ADAM23: variants seen among roughly 807,000 people sequenced by gnomAD.
The protein encoded by ADAM23 is ADAM metallopeptidase domain 23.
Under a neutral mutation model 120.1 loss-of-function variants are expected in ADAM23, and 33 were observed. That is an observed-to-expected ratio of 0.27 (90% CI 0.21 to 0.37). The LOEUF is 0.37. ADAM23 is among the 10% of genes least tolerant of loss of function. The pLI is 1.00. For synonymous variants in ADAM23, 367 were observed against 375.2 expected, an observed-to-expected ratio of 0.98 and a Z score of 0.25; for missense variants, 862 against 1,058.2, an observed-to-expected ratio of 0.81 and a Z score of 2.57.
chr2:206,531,814 A>G (rs1697069583), intron 4 of ADAM23, among the ~76,000 whole-genome samples: 1 of 152,232 alleles, frequency 6.6e-6, no homozygotes, highest in Non-Finnish European at 1.5e-5. Context: ...ATGTCAGCAT[A>G]AAAGTAGCAC....
chr2:206,530,935 C>T lies in ADAM23; in HGVS notation c.560C>T (p.Pro187Leu). Reference protein sequence around the residue: ...YVEIHYENGKPQYSKGGEHCY... With the variant: ...YVEIHYENGKLQYSKGGEHCY... Reference sequence around the variant, plus strand: ...GAGATTCACTACGAAAATGGGAAACCACAGTACTCTAAGGTACGGTTACCG... The same window carrying T: ...GAGATTCACTACGAAAATGGGAAACTACAGTACTCTAAGGTACGGTTACCG... The change falls in exon 4 of 26, where the codon CCA (proline) becomes CTA (leucine). Residue 187 changes from proline to leucine, a missense_variant. Physicochemically the swap from Pro to Leu is moderately conservative, Grantham distance 98. This residue lies in a region of ADAM23 where 617 missense variants were observed against 813.5 expected (regional missense o/e 0.76). Coordinates refer to ENST00000264377, the MANE Select transcript of ADAM23 (RefSeq NM_003812.4). 2 of 1,613,636 alleles carry T rather than the reference C, an allele frequency of 1.2e-6. No homozygotes were observed. The highest frequency in any genetic ancestry group is 1.7e-6 in the Non-Finnish European group (2 of 1,179,784).
At chr2:206,512,233 C>T (rs1038861556) in intron 3 of ADAM23, among the ~76,000 whole-genome samples, 2 of 152,152 alleles carry the variant, frequency 1.3e-5, no homozygotes, top group Non-Finnish European at 2.9e-5. Context: ...TCTAAACAAG[C>T]TGCTTAATAG....
intron 2 of ADAM23, among the ~76,000 whole-genome samples, chr2:206,457,147 T>G (rs574922101): frequency 1.3e-5 from 2 of 152,344 alleles, no homozygotes; most frequent in East Asian, 3.9e-4. Flanking sequence ...AGCTCAACTC[T>G]CCAATGCATT....
At position 206,562,279 on chromosome 2, in the gene ADAM23, C is replaced by T; in HGVS notation, c.1331C>T (p.Ser444Phe). ...AQNLGIQWEP[S>F]SRKPKCDCTE... ...AACCTTGGAATCCAATGGGAACCTT[C>T]TAGCAGAAAGCCAAGTATGTACACT... The change falls in exon 13 of 26, where the codon TCT becomes TTT. Residue 444 changes from serine (S) to phenylalanine (F), a missense_variant. By Grantham distance (155) the Ser-to-Phe change is radical. Coordinates refer to ENST00000264377, the MANE Select transcript of ADAM23 (RefSeq NM_003812.4). 6.2e-7 allele frequency: 1 copy of T among 1,613,962 alleles called. No homozygotes were observed.
intron 18 of ADAM23, among the ~76,000 whole-genome samples, chr2:206,583,018 T>G (rs1422510095): frequency 6.6e-6 from 1 of 152,220 alleles, no homozygotes; most frequent in Non-Finnish European, 1.5e-5. Context: ...GATAACCTGA[T>G]GACAATGTGC....
intron 4 of ADAM23, among the ~76,000 whole-genome samples, chr2:206,537,172 T>A (rs1046793342): frequency 6.6e-6 from 1 of 152,170 alleles, no homozygotes; most frequent in African/African-American, 2.4e-5. Flanking sequence ...CTTCTCACCT[T>A]TATTCTTTTC....
At chr2:206,547,374 A>T in intron 6 of ADAM23, 55 bp from the exon 7 acceptor site, 1 of 1,450,640 alleles carries the variant, frequency 6.9e-7, no homozygotes, top group Non-Finnish European at 9.5e-7. Flanking sequence ...ACACTGTTTC[A>T]TAGAGGCTTG....
intron 15 of ADAM23, among the ~76,000 whole-genome samples, chr2:206,568,743 A>C (rs1389816809): frequency 2.6e-5 from 4 of 152,236 alleles, no homozygotes; most frequent in African/African-American, 7.2e-5. Flanking sequence ...CATGAGTCAA[A>C]TATAGCTCAT....
At position 206,571,108 on chromosome 2, in the gene ADAM23, A is replaced by G. The variant is rs13010118; in HGVS notation, c.1566+297A>G. ...AAACATTCTTTCCGTGTTGTATATT[A>G]TTTTTATCTTTATAAAATAGATTGG... On this transcript the variant is annotated intron_variant, in intron 16 of 25. Transcript: ENST00000264377. Among the ~76,000 whole-genome samples, 816 of 152,312 alleles carry G rather than the reference A, an allele frequency of 5.4e-3. 7 individuals are homozygous for G. The highest frequency in any genetic ancestry group is 0.01 in the Admixed American group (153 of 15,298).
At chr2:206,503,120 T>TTGTG (rs1378457808) in intron 3 of ADAM23, among the ~76,000 whole-genome samples, 1 of 152,192 alleles carries the variant, frequency 6.6e-6, no homozygotes, top group Non-Finnish European at 1.5e-5. Context: ...TGCTGGTTTA[T>TTGTG]TGGGCCAGTG....
At chr2:206,499,803 T>C (rs184246639) in intron 3 of ADAM23, among the ~76,000 whole-genome samples, 33 of 152,240 alleles carry the variant, frequency 2.2e-4, no homozygotes, top group African/African-American at 7.7e-4. Flanking sequence ...TCTATTTTCA[T>C]GCAGCTTTGA....
intron 24 of ADAM23, among the ~76,000 whole-genome samples, chr2:206,603,502 A>C (rs963112493): frequency 6.6e-6 from 1 of 152,240 alleles, no homozygotes; most frequent in Non-Finnish European, 1.5e-5. Flanking sequence ...AAGTAATGGG[A>C]GGGAGAGAGA....
intron 20 of ADAM23, among the ~76,000 whole-genome samples, chr2:206,588,893 T>G (rs939088903): frequency 6.6e-6 from 1 of 152,226 alleles, no homozygotes; most frequent in Non-Finnish European, 1.5e-5. Context: ...AGTGCTTTAG[T>G]TTTGACAGAG....
rs1052891235 is a variant in ADAM23 at position 206,619,995 on chromosome 2, C to A, written c.*2368C>A. 2.6e-5 allele frequency: 4 copies of A among 152,240 alleles called. No homozygotes were observed. The highest frequency in any genetic ancestry group is 7.2e-5 in the African/African-American group (3 of 41,448). 9.4% of individuals were successfully genotyped at this position (152,240 alleles called of 1,614,324 possible). On this transcript the variant is annotated 3_prime_UTR_variant, in exon 26 of 26. Coordinates refer to ENST00000264377, the MANE Select transcript of ADAM23 (RefSeq NM_003812.4). ...GGAAGCTTGGAGGAAACTCAGATTACTTGGTATCTTTTCCTGTTGCTGCAT... is the reference window on the plus strand; with the variant it reads ...GGAAGCTTGGAGGAAACTCAGATTAATTGGTATCTTTTCCTGTTGCTGCAT...
chr2:206,482,807 G>A (rs1158559147), intron 3 of ADAM23, among the ~76,000 whole-genome samples: 1 of 152,194 alleles, frequency 6.6e-6, no homozygotes, highest in East Asian at 1.9e-4. Flanking sequence ...CAGCTCTCAG[G>A]CTGGAGGAGT....
intron 18 of ADAM23, among the ~76,000 whole-genome samples, chr2:206,573,884 G>A (rs1698058918): frequency 1.3e-5 from 2 of 151,920 alleles, no homozygotes. Context: ...CGGATAAGGG[G>A]GCATTCTGCT....
intron 25 of ADAM23, among the ~76,000 whole-genome samples, chr2:206,614,414 C>CTAG (rs1457833141): frequency 1.6e-3 from 49 of 31,374 alleles, no homozygotes; most frequent in African/African-American, 9.5e-3. Flanking sequence ...GCCTGTAATC[C>CTAG]CAGGCTGAGG....
chr2:206,591,803 C>G (rs1698431038), intron 21 of ADAM23, among the ~76,000 whole-genome samples: 1 of 152,192 alleles, frequency 6.6e-6, no homozygotes, highest in African/African-American at 2.4e-5. Flanking sequence ...CCATATTTCA[C>G]CAACACTTGG....
At chr2:206,518,303 A>T (rs1696774377) in intron 3 of ADAM23, among the ~76,000 whole-genome samples, 1 of 152,156 alleles carries the variant, frequency 6.6e-6, no homozygotes, top group African/African-American at 2.4e-5. Flanking sequence ...AAAGATAAAA[A>T]TTCAGTTTTA....
Sources: allele counts gnomAD v4.1 joint callset (sites outside exome capture counted in the v4.1 genomes callset), GRCh38; gene constraint gnomAD v4.1.1; regional missense constraint gnomAD v4.1.1; transcripts MANE v1.5; gene names NCBI Gene and HGNC (gene_info 2026-07-23, HGNC 2026-07-21).